The following ZEB1 variants were observed in gnomAD, a reference collection of about 807,000 sequenced individuals.
ZEB1 encodes the protein zinc finger E-box-binding homeobox 1.
ZEB1 carries 21 observed loss-of-function variants against 84.9 expected under a neutral mutation model. The ratio of observed to expected loss-of-function variants is 0.25; its 90% confidence interval spans 0.18 to 0.36. The LOEUF is 0.36. ZEB1 is among the 10% of genes least tolerant of loss of function. The pLI is 1.00. For synonymous variants in ZEB1, 420 were observed against 471.1 expected (o/e 0.89, Z 1.41); for missense variants, 1,104 against 1,330.2 (o/e 0.83, Z 2.65).
At chr10:31,458,312 C>CGTGTGTGT (rs775810348) in intron 1 of ZEB1, among the ~76,000 whole-genome samples, 2 of 123,116 alleles carry the variant, frequency 1.6e-5, no homozygotes, top group African/African-American at 5.3e-5. Flanking sequence ...ATCTCCATTC[C>CGTGTGTGT]GTGTGTGTGT....
At chr10:31,489,398 A>AT (rs1049105421) in intron 2 of ZEB1, among the ~76,000 whole-genome samples, 37 of 150,898 alleles carry the variant, frequency 2.5e-4, no homozygotes, top group Admixed American at 1.3e-3. Flanking sequence ...ATTAATGGGG[A>AT]TTTTTTTTAT....
chr10:31,529,237 C>CTT lies in ZEB1; in HGVS notation c.*1975_*1976dup, dbSNP rs1025688835. The CTT allele has an allele frequency of 9.9e-5, 15 of 152,182 alleles. No homozygotes were observed. Among genetic ancestry groups the CTT allele is most frequent in the African/African-American group, 3.6e-4 (15 of 41,454 alleles). The allele number at this position is 152,182 out of a possible 1,614,324, so 9.4% of individuals were successfully genotyped here. On this transcript the variant is annotated 3_prime_UTR_variant, in exon 9 of 9. Transcript: ENST00000424869. The stretch of plus-strand genomic sequence containing the variant: ...TTCTTTTCATCATTATCAGTATTTT[C>CTT]TTTGGAAAACTGTGAAATGGGGTAC...
In ZEB1 at chr10:31,468,695, C is replaced by T. The variant is rs371106395; in HGVS notation, c.259+7458C>T. ...AAGGAATTTATACAGAGCCTTGGCC[C>T]CCTAAAAGCACGTAGAAGCAAAGCC... On this transcript the variant is annotated intron_variant, in intron 2 of 8. Transcript: ENST00000424869. Among the ~76,000 whole-genome samples the T allele has an allele frequency of 5.5e-4, 83 of 152,224 alleles. 2 individuals are homozygous for T. The highest frequency in any genetic ancestry group is 2.0e-3 in the African/African-American group (81 of 41,532).
intron 1 of ZEB1, chr10:31,374,873 G>A (rs951281325): frequency 6.6e-6 from 1 of 151,770 alleles, no homozygotes; most frequent in Admixed American, 6.6e-5. Context: ...TTACGGGAGA[G>A]TTCTTACAGG....
Position 31,474,920 on chromosome 10 carries a change from A to T in ZEB1, c.259+13683A>T, listed in dbSNP as rs531789509. 9.1e-3 allele frequency among the ~76,000 whole-genome samples: 1,386 copies of T among 152,258 alleles called. 13 individuals are homozygous for T. The highest frequency in any genetic ancestry group is 0.031 in the African/African-American group (1,297 of 41,518). On this transcript the variant is annotated intron_variant, in intron 2 of 8. Coordinates refer to ENST00000424869, the MANE Select transcript of ZEB1 (RefSeq NM_001174096.2). ...GTTCATGTCCTTTGTAGGGACATGGATGAAATTGGAAATCATCATTCTCAG... is the reference window on the plus strand; with the variant it reads ...GTTCATGTCCTTTGTAGGGACATGGTTGAAATTGGAAATCATCATTCTCAG...
intron 1 of ZEB1, among the ~76,000 whole-genome samples, chr10:31,333,674 G>A (rs1407789148): frequency 1.3e-5 from 2 of 151,888 alleles, no homozygotes; most frequent in Non-Finnish European, 2.9e-5. Flanking sequence ...GAGAAGACAA[G>A]TAGCACAAAA....
intron 1 of ZEB1, among the ~76,000 whole-genome samples, chr10:31,398,636 T>G (rs2051283305): frequency 6.6e-6 from 1 of 152,144 alleles, no homozygotes; most frequent in South Asian, 2.1e-4. Flanking sequence ...TGAATTCAGT[T>G]CCTATAACCC....
chr10:31,412,611 A>G (rs1032118316), intron 1 of ZEB1, among the ~76,000 whole-genome samples: 7 of 152,204 alleles, frequency 4.6e-5, no homozygotes, highest in South Asian at 4.1e-4. Flanking sequence ...ATGGCTGCAT[A>G]GTATTCCATG....
chr10:31,473,995 C>T (rs1452255485), intron 2 of ZEB1, among the ~76,000 whole-genome samples: 6 of 152,262 alleles, frequency 3.9e-5, no homozygotes, highest in African/African-American at 1.4e-4. Context: ...TCTGGGAAAA[C>T]CGGCTAGCCA....
chr10:31,336,857 A>G (rs1291209171), intron 1 of ZEB1, among the ~76,000 whole-genome samples: 1 of 152,190 alleles, frequency 6.6e-6, no homozygotes, highest in African/African-American at 2.4e-5. Context: ...GAACAACTGA[A>G]CACTTAGGCG....
At chr10:31,361,343 C>T in intron 1 of ZEB1, 1 of 830,706 alleles carries the variant, frequency 1.2e-6, no homozygotes, top group Non-Finnish European at 2.0e-6. Context: ...CAGGCACAAG[C>T]CACCATGCCC....
chr10:31,472,934 A>G (rs1230105073), intron 2 of ZEB1, among the ~76,000 whole-genome samples: 1 of 124,932 alleles, frequency 8.0e-6, no homozygotes, highest in Non-Finnish European at 1.5e-5. Flanking sequence ...AATCCAGCAT[A>G]TAAACAGAGC....
In ZEB1 at chr10:31,510,766, G is replaced by T; in HGVS notation, c.578G>T (p.Arg193Leu). ...TCTCTGAAAGAACACATTAAATATC[G>T]TCATGAAAAGAATGAAGATAACTTT... ...FTSLKEHIKY[R>L]HEKNEDNFSC... is the part of the protein sequence containing the mutation. The change falls in exon 5 of 9, where the codon CGT (arginine) becomes CTT (leucine). Residue 193 changes from arginine (R) to leucine (L), a missense_variant. Coordinates refer to ENST00000424869, the MANE Select transcript of ZEB1 (RefSeq NM_001174096.2). 1 of 1,613,684 alleles carries T rather than the reference G, an allele frequency of 6.2e-7. No individual in the cohort carries two copies. Among genetic ancestry groups the T allele is most frequent in the Non-Finnish European group, 8.5e-7 (1 of 1,179,736 alleles).
At chr10:31,327,647 A>G (rs545572100) in intron 1 of ZEB1, among the ~76,000 whole-genome samples, 9 of 152,300 alleles carry the variant, frequency 5.9e-5, no homozygotes, top group East Asian at 1.9e-4. Context: ...CAGCACTACC[A>G]TATCTAGGGA....
At chr10:31,442,004 T>C (rs538373063) in intron 1 of ZEB1, among the ~76,000 whole-genome samples, 417 of 152,226 alleles carry the variant, frequency 2.7e-3, no homozygotes, top group African/African-American at 9.4e-3. Flanking sequence ...GTGTGGCGAT[T>C]CCTCAAGGAT....
chr10:31,341,691 A>T (rs1012115820), intron 1 of ZEB1, among the ~76,000 whole-genome samples: 2 of 152,190 alleles, frequency 1.3e-5, no homozygotes, highest in Non-Finnish European at 2.9e-5. Context: ...AGAGAAAAAA[A>T]GGTCAGAAGA....
At chr10:31,423,050 A>G (rs1482080381) in intron 1 of ZEB1, among the ~76,000 whole-genome samples, 3 of 151,956 alleles carry the variant, frequency 2.0e-5, no homozygotes. Context: ...GTGTATATAT[A>G]TATACATGTA....
intron 1 of ZEB1, among the ~76,000 whole-genome samples, chr10:31,391,850 G>A (rs1254390151): frequency 6.6e-6 from 1 of 152,080 alleles, no homozygotes; most frequent in Non-Finnish European, 1.5e-5. Flanking sequence ...GTATATATGT[G>A]TTTTTACTGG....
rs1007042871 is a variant in ZEB1 at position 31,379,419 on chromosome 10, C to T, written c.58+60127C>T. Among the ~76,000 whole-genome samples, 3 of 151,666 alleles carry T rather than the reference C, an allele frequency of 2.0e-5. No individual in the cohort carries two copies. The East Asian group carries it at 5.8e-4, about 29-fold the overall frequency. ...TTAACCAATTCTCCTCTTTTTCTGT[C>T]TCTGTCTGTCTGTCTCTCTCTCTGT... is the stretch of plus-strand genomic sequence containing the variant. On this transcript the variant is annotated intron_variant, in intron 1 of 8. Transcript: ENST00000424869.
Sources: allele counts gnomAD v4.1 joint callset (sites outside exome capture counted in the v4.1 genomes callset), GRCh38; gene constraint gnomAD v4.1.1; transcripts MANE v1.5; gene names NCBI Gene and HGNC (gene_info 2026-07-23, HGNC 2026-07-21).